Variants in HOXB7 observed in about 807,000 individuals in gnomAD.
HOXB7 encodes the protein homeobox B7, also known as homeobox protein Hox-B7.
Under a neutral mutation model 19.2 loss-of-function variants are expected in HOXB7, and 11 were observed. The ratio of observed to expected loss-of-function variants is 0.57; its 90% CI spans 0.36 to 0.95. The LOEUF (loss-of-function observed/expected upper bound fraction) is 0.95, where lower values mean the gene tolerates loss of function less well. Ranked by LOEUF, HOXB7 falls within the 40% of genes least tolerant of loss-of-function variation. The probability of loss-of-function intolerance (pLI) is 0.01; values close to 1 mark genes in which losing one functional copy is unlikely to be tolerated. For synonymous variants in HOXB7, 141 were observed against 130.2 expected (o/e 1.08, Z -0.56); for missense variants, 318 against 301.1 (o/e 1.06, Z -0.42).
rs759247051 is a variant in HOXB7, at chr17:48,607,901, C to T, written c.595G>A (p.Ala199Thr). 7 of 1,613,982 alleles carry T rather than the reference C, an allele frequency of 4.3e-6. No individual in the cohort carries two copies. Among genetic ancestry groups the T allele is most frequent in the South Asian group, 3.3e-5 (3 of 91,044 alleles). Reference sequence around the variant, plus strand: ...TCTTGGCCGGTGGTCCCCGGGCCCGCGGTCTTGTTCTCCTTTTTCCACTTC... The same window carrying T: ...TCTTGGCCGGTGGTCCCCGGGCCCGTGGTCTTGTTCTCCTTTTTCCACTTC... ...RMKWKKENKT[A>T]GPGTTGQDRA... Residue 199 changes from alanine (A) to threonine (T), a missense_variant, in exon 2 of 2, where the codon GCG becomes ACG. By Grantham distance (58) the Ala-to-Thr change is moderately conservative (BLOSUM62 0). Transcript: ENST00000239165.
At chr17:48,608,236 A>C in intron 1 of HOXB7, 141 bp from the exon 2 acceptor site, 1 of 1,046,046 alleles carries the variant, frequency 9.6e-7, no homozygotes. Flanking sequence ...AACCTGGCTA[A>C]CACAGTGAAA....
At position 48,607,920 on chromosome 17, in the gene HOXB7, C is replaced by A. The variant is rs757879230; in HGVS notation, c.576G>T (p.Trp192Cys). The change falls in exon 2 of 2, where the codon TGG becomes TGT. Residue 192 changes from tryptophan to cysteine, a missense_variant. Trp to Cys is a radical substitution (Grantham distance 215). Transcript: ENST00000239165. ...KIWFQNRRMK[W>C]KKENKTAGPG... is the part of the protein sequence containing the mutation. ...GGCCCGCGGTCTTGTTCTCCTTTTT[C>A]CACTTCATGCGCCGGTTCTGAAACC... The A allele has an allele frequency of 6.2e-7, 1 of 1,614,104 alleles. No individual in the cohort carries two copies. The highest frequency in any genetic ancestry group is 8.5e-7 in the Non-Finnish European group (1 of 1,180,014).
chr17:48,607,780 C>A lies in HOXB7; in HGVS notation c.*62G>T. ...GATTTGAGTTTCCTGATTCAGTTCC[C>A]AGAGCTGGGCTTCTCTTCCTCTCCC... On this transcript the variant is annotated 3_prime_UTR_variant, in exon 2 of 2. Coordinates refer to ENST00000239165, the MANE Select transcript of HOXB7 (RefSeq NM_004502.4). 7.6e-7 allele frequency: 1 copy of A among 1,318,170 alleles called. No homozygotes were observed. Among genetic ancestry groups the A allele is most frequent in the Admixed American group, 2.0e-5 (1 of 50,606 alleles). 81.7% of individuals were successfully genotyped at this position (1,318,170 alleles called of 1,614,324 possible). A position where few individuals can be genotyped will look rare whatever the true frequency, so the allele number is the denominator to read the frequency against.
rs2070596704 is a variant in HOXB7, at chr17:48,607,693, T to C, written c.*149A>G. 2.7e-6 allele frequency: 2 copies of C among 736,160 alleles called. No homozygotes were observed. The highest frequency in any genetic ancestry group is 2.6e-5 in the South Asian group (1 of 38,808). 45.6% of individuals were successfully genotyped at this position (736,160 alleles called of 1,614,324 possible). A position where few individuals can be genotyped will look rare whatever the true frequency, so the allele number is the denominator to read the frequency against. On this transcript the variant is annotated 3_prime_UTR_variant, in exon 2 of 2. Coordinates refer to ENST00000239165, the MANE Select transcript of HOXB7 (RefSeq NM_004502.4). Reference sequence around the variant, plus strand: ...AAAAAATGTTTTTAAACTCCTTTCATTTAAATAGGGTTTTTTTTTTGTTTT... The same window carrying C: ...AAAAAATGTTTTTAAACTCCTTTCACTTAAATAGGGTTTTTTTTTTGTTTT...
At chr17:48,608,148 C>T in intron 1 of HOXB7, 53 bp from the exon 2 acceptor site, 1 of 1,575,360 alleles carries the variant, frequency 6.3e-7, no homozygotes, top group South Asian at 1.2e-5. Flanking sequence ...GCCGGCCGGG[C>T]GCGGTGGGCT....
intron 1 of HOXB7, 93 bp from the exon 2 acceptor site, chr17:48,608,188 C>G (rs2070607464): frequency 3.4e-6 from 5 of 1,472,938 alleles, no homozygotes; most frequent in Non-Finnish European, 3.6e-6. Context: ...CTTTGGGAGA[C>G]CGAGGCGGGC....
At position 48,610,608 on chromosome 17, in the gene HOXB7, G is replaced by T; in HGVS notation, c.311C>A (p.Ser104Tyr). 6.4e-7 allele frequency: 1 copy of T among 1,555,312 alleles called. No individual in the cohort carries two copies. Among genetic ancestry groups the T allele is most frequent in the Non-Finnish European group, 8.7e-7 (1 of 1,149,068 alleles). ...CTCCTTGGCGCCCGCCGCCTTGGCG[G>T]AGTCGCCGGGACACACCCCGGAGAG... ...QNLSGVCPGD[S>Y]AKAAGAKEQR... Residue 104 changes from serine to tyrosine, a missense_variant, in exon 1 of 2, where the codon TCC becomes TAC. Coordinates refer to ENST00000239165, the MANE Select transcript of HOXB7 (RefSeq NM_004502.4).
At position 48,608,247 on chromosome 17, in the gene HOXB7, C is replaced by A. The variant is rs1021908211; in HGVS notation, c.401-152G>T. On this transcript the variant is annotated intron_variant, in intron 1 of 1. Transcript: ENST00000239165. ...GACCAACCTGGCTAACACAGTGAAACCCCGTCTCTACTAAAAATACAAAAA... is the reference window on the plus strand; with the variant it reads ...GACCAACCTGGCTAACACAGTGAAAACCCGTCTCTACTAAAAATACAAAAA... 10 of 962,494 alleles carry A rather than the reference C, an allele frequency of 1.0e-5. No homozygotes were observed. In the African/African-American group the frequency reaches 1.3e-4, roughly 13 times the overall value. 59.6% of individuals were successfully genotyped at this position (962,494 alleles called of 1,614,324 possible).
In HOXB7 at chr17:48,610,756, T is replaced by A; in HGVS notation, c.163A>T (p.Met55Leu). 1.3e-6 allele frequency: 2 copies of A among 1,599,126 alleles called. No homozygotes were observed. The highest frequency in any genetic ancestry group is 1.7e-6 in the Non-Finnish European group (2 of 1,172,060). ...AGSGASFAAS[M>L]QGLYPGGGGM... ...CCCCCGCCGGGGTACAAGCCCTGCA[T>A]CGAGGCGGCGAAGGAAGCGCCCGAA... The change falls in exon 1 of 2, where the codon ATG (methionine) becomes TTG (leucine). Residue 55 changes from methionine to leucine, a missense_variant. Coordinates refer to ENST00000239165, the MANE Select transcript of HOXB7 (RefSeq NM_004502.4).
intron 1 of HOXB7, among the ~76,000 whole-genome samples, chr17:48,608,997 G>C (rs960880831): frequency 6.6e-6 from 1 of 152,270 alleles, no homozygotes; most frequent in African/African-American, 2.4e-5. Flanking sequence ...TTGGAGCAAA[G>C]AGTTGGTCTG....
intron 1 of HOXB7, 123 bp downstream of exon 1, chr17:48,610,396 A>G: frequency 9.8e-7 from 1 of 1,021,826 alleles, no homozygotes; most frequent in Non-Finnish European, 1.3e-6. Flanking sequence ...GCAGCCTTCC[A>G]GGGCCGACCT....
rs1286233856 is a variant in HOXB7, at chr17:48,610,596, G to A, written c.323C>T (p.Ala108Val). The A allele has an allele frequency of 3.9e-6, 6 of 1,551,008 alleles. No individual in the cohort carries two copies. Among genetic ancestry groups the A allele is most frequent in the East Asian group, 2.4e-5 (1 of 40,970 alleles). The change falls in exon 1 of 2, where the codon GCG (alanine) becomes GTG (valine). Residue 108 changes from alanine (A) to valine (V), a missense_variant. Coordinates refer to ENST00000239165, the MANE Select transcript of HOXB7 (RefSeq NM_004502.4). ...GVCPGDSAKA[A>V]GAKEQRDSDL... ...CGAGTCCCTCTGCTCCTTGGCGCCCGCCGCCTTGGCGGAGTCGCCGGGACA... is the reference window on the plus strand; with the variant it reads ...CGAGTCCCTCTGCTCCTTGGCGCCCACCGCCTTGGCGGAGTCGCCGGGACA...
Position 48,608,138 on chromosome 17 carries a change from G to A in HOXB7, c.401-43C>T, listed in dbSNP as rs369413024. The A allele has an allele frequency of 4.1e-5, 65 of 1,587,608 alleles. No homozygotes were observed. In the African/African-American group the frequency reaches 7.5e-4, roughly 18 times the overall value. On this transcript the variant is annotated intron_variant, in intron 1 of 1. Coordinates refer to ENST00000239165, the MANE Select transcript of HOXB7 (RefSeq NM_004502.4). ...AGGAAAATCAGTGAGTAAAGAAAAC[G>A]CCGGCCGGGCGCGGTGGGCTCAAAC... is the stretch of plus-strand genomic sequence containing the variant.
chr17:48,610,782 C>G lies in HOXB7; in HGVS notation c.137G>C (p.Gly46Ala). The G allele has an allele frequency of 3.8e-6, 6 of 1,599,440 alleles. No homozygotes were observed. Among genetic ancestry groups the G allele is most frequent in the Non-Finnish European group, 4.3e-6 (5 of 1,171,994 alleles). Residue 46 changes from glycine to alanine, a missense_variant, in exon 1 of 2, where the codon GGT becomes GCT. Gly to Ala is a moderately conservative substitution (Grantham distance 60, BLOSUM62 0). Transcript: ENST00000239165. Reference sequence around the variant, plus strand: ...CGAGGCGGCGAAGGAAGCGCCCGAACCCGCTCCATAGCCCGGGCGCTGGGG... The same window carrying G: ...CGAGGCGGCGAAGGAAGCGCCCGAAGCCGCTCCATAGCCCGGGCGCTGGGG... The part of the protein sequence containing the change: ...SNPQRPGYGA[G>A]SGASFAASMQ...
At chr17:48,608,148 C>A (rs908953850) in intron 1 of HOXB7, 53 bp from the exon 2 acceptor site, 13 of 1,575,238 alleles carry the variant, frequency 8.3e-6, no homozygotes, top group African/African-American at 5.4e-5. Context: ...GCCGGCCGGG[C>A]GCGGTGGGCT....
chr17:48,607,803 C>G lies in HOXB7; in HGVS notation c.*39G>C, dbSNP rs753508923. 6.6e-7 allele frequency: 1 copy of G among 1,523,962 alleles called. No homozygotes were observed. The highest frequency in any genetic ancestry group is 2.3e-5 in the East Asian group (1 of 43,970). 94.4% of individuals were successfully genotyped at this position (1,523,962 alleles called of 1,614,324 possible). On this transcript the variant is annotated 3_prime_UTR_variant, in exon 2 of 2. Transcript: ENST00000239165. ...CCCAGAGCTGGGCTTCTCTTCCTCTCCCTTTCTCATGTCTCTTCCTCTGCC... is the reference window on the plus strand; with the variant it reads ...CCCAGAGCTGGGCTTCTCTTCCTCTGCCTTTCTCATGTCTCTTCCTCTGCC...
chr17:48,610,726 T>C lies in HOXB7; in HGVS notation c.193A>G (p.Met65Val), dbSNP rs1567979975. 2.1e-5 allele frequency: 33 copies of C among 1,596,866 alleles called. No individual in the cohort carries two copies. The highest frequency in any genetic ancestry group is 2.8e-5 in the Non-Finnish European group (33 of 1,171,508). The change falls in exon 1 of 2, where the codon ATG becomes GTG. Residue 65 changes from methionine (M) to valine (V), a missense_variant. Met to Val is a conservative substitution (Grantham distance 21). Coordinates refer to ENST00000239165, the MANE Select transcript of HOXB7 (RefSeq NM_004502.4). ...MQGLYPGGGG[M>V]AGQSAAGVYA... ...ACGCCGGCCGCGCTCTGGCCCGCCA[T>C]GCCCCCCCCGCCGGGGTACAAGCCC...
chr17:48,610,063 C>T (rs562592777), intron 1 of HOXB7, among the ~76,000 whole-genome samples: 2 of 56,086 alleles, frequency 3.6e-5, no homozygotes, highest in South Asian at 8.6e-4. Flanking sequence ...CCCCCTCCCC[C>T]ATACCTTATC....
intron 1 of HOXB7, among the ~76,000 whole-genome samples, chr17:48,608,880 G>A (rs918718949): frequency 3.9e-5 from 6 of 152,220 alleles, no homozygotes; most frequent in African/African-American, 1.4e-4. Flanking sequence ...CCTAGCTTAA[G>A]AACGTTTCCC....
Sources: gnomAD v4.1 joint callset for allele counts (sites outside exome capture counted in the v4.1 genomes callset) on GRCh38, gnomAD v4.1.1 for gene constraint, MANE v1.5 for transcripts, NCBI Gene and HGNC (gene_info 2026-07-23, HGNC 2026-07-21) for gene names.